Variants in ATAD2B observed in about 807,000 individuals in gnomAD.
The protein encoded by ATAD2B is ATPase family AAA domain containing 2B, also known as ATPase family AAA domain-containing protein 2B.
ATAD2B carries 40 observed loss-of-function variants against 167.6 expected under a neutral mutation model. The ratio of observed to expected loss-of-function variants is 0.24; its 90% CI spans 0.19 to 0.31. ATAD2B has a LOEUF of 0.31. Among genes scored for constraint, ATAD2B ranks in the 10% least tolerant of loss-of-function variants. The pLI is 1.00. For missense variants in ATAD2B, 1,242 were observed against 1,757.2 expected, an observed-to-expected ratio of 0.71 and a Z score of 5.24; for synonymous variants, 579 against 596.5, an observed-to-expected ratio of 0.97 and a Z score of 0.43.
In ATAD2B at chr2:23,827,888, T is replaced by G. The variant is rs920429756; in HGVS notation, c.1819+961A>C. The G allele has an allele frequency of 5.2e-5, 8 of 152,648 alleles. No homozygotes were observed. In the South Asian group the frequency reaches 1.4e-3, roughly 28 times the overall value. The allele number at this position is 152,648 out of a possible 1,614,324, so 9.5% of individuals were successfully genotyped here. On this transcript the variant is annotated intron_variant, in intron 15 of 27. Transcript: ENST00000238789. Reference sequence around the variant, plus strand: ...GTGGATGAAGAGGATAATTTGGATGTAGCTAACTGAATGGACTAATGTTCT... The same window carrying G: ...GTGGATGAAGAGGATAATTTGGATGGAGCTAACTGAATGGACTAATGTTCT...
chr2:23,808,461 G>C (rs1346192268), intron 18 of ATAD2B, among the ~76,000 whole-genome samples: 1 of 151,662 alleles, frequency 6.6e-6, no homozygotes, highest in East Asian at 1.9e-4. Context: ...TCTTCTCATA[G>C]TCCCTTCATA....
At chr2:23,731,833 G>A in the ATAD2B span, among the ~76,000 whole-genome samples, 8 of 152,046 alleles carry the variant, frequency 5.3e-5, no homozygotes, top group Admixed American at 1.3e-4. Context: ...AAAATTAGCT[G>A]GGCATTGGTG....
chr2:23,885,630 T>C (rs957853014), intron 5 of ATAD2B, 97 bp downstream of exon 5: 43 of 654,736 alleles, frequency 6.6e-5, no homozygotes, highest in Non-Finnish European at 9.4e-5. Flanking sequence ...GGAACACTCA[T>C]GCTAATTCAA....
chr2:23,725,628 T>C, the ATAD2B span, among the ~76,000 whole-genome samples: 1 of 152,028 alleles, frequency 6.6e-6, no homozygotes, highest in Non-Finnish European at 1.5e-5. Flanking sequence ...CCCTAAAAGC[T>C]ATATGAAGAA....
chr2:23,854,678 C>CAAA (rs796112621), intron 13 of ATAD2B, among the ~76,000 whole-genome samples: 91 of 75,562 alleles, frequency 1.2e-3, no homozygotes, highest in Non-Finnish European at 1.9e-3. Flanking sequence ...GACTTCGTCT[C>CAAA]AAAAAAAAAA....
chr2:23,847,411 A>C (rs567394129), intron 13 of ATAD2B, among the ~76,000 whole-genome samples: 29 of 152,236 alleles, frequency 1.9e-4, no homozygotes, highest in African/African-American at 6.5e-4. Flanking sequence ...AGGCTGAGGC[A>C]GGAGAGTGGC....
intron 14 of ATAD2B, among the ~76,000 whole-genome samples, chr2:23,833,009 CTA>C (rs1331720166): frequency 1.3e-5 from 2 of 152,164 alleles, no homozygotes; most frequent in African/African-American, 4.8e-5. Context: ...GCTGTATATG[CTA>C]TGTTTCCTGT....
intron 24 of ATAD2B, among the ~76,000 whole-genome samples, chr2:23,760,015 C>T (rs1243844478): frequency 6.6e-6 from 1 of 152,148 alleles, no homozygotes; most frequent in Admixed American, 6.5e-5. Flanking sequence ...TTTCCTAAGC[C>T]ATGAAACTAG....
At chr2:23,772,479 A>T (rs1179002595) in intron 22 of ATAD2B, among the ~76,000 whole-genome samples, 1 of 152,170 alleles carries the variant, frequency 6.6e-6, no homozygotes, top group East Asian at 1.9e-4. Flanking sequence ...CCTCGGCTTG[A>T]ATGAAGAGAA....
chr2:23,757,882 T>C lies in ATAD2B; in HGVS notation c.3614A>G (p.Asn1205Ser), dbSNP rs1376515955. 1.3e-6 allele frequency: 2 copies of C among 1,597,916 alleles called. No homozygotes were observed. The highest frequency in any genetic ancestry group is 1.7e-6 in the Non-Finnish European group (2 of 1,175,564). The change falls in exon 25 of 28, where the codon AAT becomes AGT. Residue 1205 changes from asparagine (N) to serine (S), a missense_variant. Transcript: ENST00000238789. ...CATGATGTCACAGGATGATTCATCA[T>C]TGGTCATAGATAAGTCTCCAGTCTC... ...GEETGDLSMT[N>S]DESSCDIMDL... is the part of the protein sequence containing the mutation.
chr2:23,919,206 T>C (rs1236819845), intron 1 of ATAD2B, among the ~76,000 whole-genome samples: 1 of 135,544 alleles, frequency 7.4e-6, no homozygotes, highest in African/African-American at 2.6e-5. Context: ...GAGAGAGAGA[T>C]TGTCAATGTG....
At chr2:23,879,969 A>C (rs1232128947) in intron 7 of ATAD2B, among the ~76,000 whole-genome samples, 2 of 151,626 alleles carry the variant, frequency 1.3e-5, no homozygotes, top group African/African-American at 4.8e-5. Flanking sequence ...GAGGCAGGAG[A>C]ATTGCTTGAA....
rs750797548 is a variant in ATAD2B at position 23,895,900 on chromosome 2, G to A, written c.287C>T (p.Pro96Leu). 1.9e-6 allele frequency: 3 copies of A among 1,613,378 alleles called. No individual in the cohort carries two copies. The highest frequency in any genetic ancestry group is 2.2e-5 in the South Asian group (2 of 91,040). ...SPPAKRTLKQPDSVCKDKSKS... is the reference protein window; with the variant it reads ...SPPAKRTLKQLDSVCKDKSKS... The stretch of plus-strand genomic sequence containing the variant: ...TGATTTGTCTTTGCAAACAGAATCA[G>A]GTTGTTTCAAAGTGCGTTTGGCTGG... Residue 96 changes from proline to leucine, a missense_variant, in exon 2 of 28, where the codon CCT (proline) becomes CTT (leucine). Pro to Leu is a moderately conservative substitution (Grantham distance 98). This residue lies in a region of ATAD2B where 199 missense variants were observed against 194.9 expected (regional missense o/e 1.02). Coordinates refer to ENST00000238789, the MANE Select transcript of ATAD2B (RefSeq NM_017552.4).
chr2:23,800,819 T>TA (rs202225757), intron 18 of ATAD2B, among the ~76,000 whole-genome samples: 6,481 of 150,590 alleles, frequency 0.043, 197 homozygotes, highest in Middle Eastern at 0.086. Flanking sequence ...CCTTCTTGAT[T>TA]AAAAAAAAAA....
intron 13 of ATAD2B, among the ~76,000 whole-genome samples, chr2:23,837,800 G>A (rs6545127): frequency 0.12 from 18,338 of 152,146 alleles, 1,181 homozygotes; most frequent in Middle Eastern, 0.22. Context: ...TTACATTATC[G>A]TTACACCTTT....
At chr2:23,799,116 C>T (rs956045406) in intron 18 of ATAD2B, among the ~76,000 whole-genome samples, 6 of 152,156 alleles carry the variant, frequency 3.9e-5, no homozygotes, top group Admixed American at 2.0e-4. Flanking sequence ...TAATATCCCA[C>T]CAACAAATTC....
At chr2:23,838,560 T>C (rs1191441830) in intron 13 of ATAD2B, among the ~76,000 whole-genome samples, 1 of 152,238 alleles carries the variant, frequency 6.6e-6, no homozygotes, top group Non-Finnish European at 1.5e-5. Context: ...CAAGGCCTAC[T>C]TGCTTGTCTC....
chr2:23,791,058 C>T (rs947722708), intron 19 of ATAD2B, among the ~76,000 whole-genome samples: 2 of 152,214 alleles, frequency 1.3e-5, no homozygotes, highest in Admixed American at 6.5e-5. Context: ...ATACAACTGA[C>T]AGTCTTTTAT....
At chr2:23,811,365 T>C (rs1467761960) in intron 17 of ATAD2B, 4 of 152,262 alleles carry the variant, frequency 2.6e-5, no homozygotes, top group African/African-American at 9.6e-5. Flanking sequence ...TTCTGCCATG[T>C]GAGGACATTG....
Sources: gnomAD v4.1 joint callset for allele counts (sites outside exome capture counted in the v4.1 genomes callset) on GRCh38, gnomAD v4.1.1 for gene constraint, gnomAD v4.1.1 regional missense constraint, MANE v1.5 for transcripts, NCBI Gene and HGNC (gene_info 2026-07-23, HGNC 2026-07-21) for gene names.